GID4: variants seen among roughly 807,000 people sequenced by gnomAD.
The protein encoded by GID4 is GID complex subunit 4 homolog.
In GID4, 7 loss-of-function variants were observed where a neutral mutation model predicts 32.4. The ratio of observed to expected loss-of-function variants is 0.22; its 90% confidence interval spans 0.12 to 0.41. GID4 has a LOEUF of 0.41. Among genes scored for constraint, GID4 ranks in the 10% least tolerant of loss-of-function variants. The pLI, the probability that GID4 is intolerant of heterozygous loss-of-function variation, is 1.00. For missense variants in GID4, 309 were observed against 400.0 expected (o/e 0.77, Z 1.94); for synonymous variants, 166 against 170.0 (o/e 0.98, Z 0.18).
intron 2 of GID4, among the ~76,000 whole-genome samples, chr17:18,049,970 A>G (rs1238986842): frequency 6.6e-6 from 1 of 152,108 alleles, no homozygotes; most frequent in African/African-American, 2.4e-5. Flanking sequence ...CCTACTTATA[A>G]GGGCAGTATT....
At chr17:18,051,690 A>T (rs997367400) in intron 2 of GID4, among the ~76,000 whole-genome samples, 3 of 151,566 alleles carry the variant, frequency 2.0e-5, no homozygotes, top group Admixed American at 6.6e-5. Context: ...AAAAAAAAAT[A>T]GCTTCTAGTT....
intron 2 of GID4, 32 bp from the exon 3 acceptor site, chr17:18,054,095 A>G: frequency 8.1e-7 from 1 of 1,227,556 alleles, no homozygotes; most frequent in Non-Finnish European, 1.2e-6. Context: ...CTCACTCAAC[A>G]TCTTATTTTG....
chr17:18,039,896 G>A lies in GID4; in HGVS notation c.432G>A (p.Val144=), dbSNP rs773720979. The change falls in exon 1 of 6, where the codon GTG becomes GTA. Residue 144 remains valine, a synonymous_variant. Coordinates refer to ENST00000268719, the MANE Select transcript of GID4 (RefSeq NM_024052.5). The surrounding 1 kb of genome is among the most constrained non-coding windows in gnomAD (Gnocchi z 5.3). ...GGAACTCGTACGACGTAGAGGTGGT[G>A]CTGCAGGTGAGCGCCGGGCCGGGCC... is the stretch of plus-strand genomic sequence containing the variant. ...SKGNSYDVEV[V]LQHVDTGNSY... is the part of the protein sequence containing the mutation. 7.0e-7 allele frequency: 1 copy of A among 1,428,032 alleles called. No individual in the cohort carries two copies. The highest frequency in any genetic ancestry group is 1.5e-5 in the South Asian group (1 of 64,830). 88.5% of individuals were successfully genotyped at this position (1,428,032 alleles called of 1,614,324 possible).
chr17:18,047,534 C>G (rs954521973), intron 2 of GID4, among the ~76,000 whole-genome samples: 1 of 152,218 alleles, frequency 6.6e-6, no homozygotes, highest in African/African-American at 2.4e-5. Flanking sequence ...AGGAAGCCCC[C>G]GTGAGTCGAG....
In GID4 at chr17:18,065,982, A is replaced by T. The variant is rs1472276725; in HGVS notation, c.*739A>T. 6.6e-6 allele frequency: 1 copy of T among 152,246 alleles called. No homozygotes were observed. Among genetic ancestry groups the T allele is most frequent in the Non-Finnish European group, 1.5e-5 (1 of 68,042 alleles). The allele number at this position is 152,246 out of a possible 1,614,324, so 9.4% of individuals were successfully genotyped here. On this transcript the variant is annotated 3_prime_UTR_variant, in exon 6 of 6. Coordinates refer to ENST00000268719, the MANE Select transcript of GID4 (RefSeq NM_024052.5). ...CCTGCTTACTCAGTACATTTGCTCCAAACTTTTCAACTTGAGGGCAATACT... is the reference window on the plus strand; with the variant it reads ...CCTGCTTACTCAGTACATTTGCTCCTAACTTTTCAACTTGAGGGCAATACT...
chr17:18,040,299 C>T (rs2044781299), intron 1 of GID4, among the ~76,000 whole-genome samples: 1 of 152,204 alleles, frequency 6.6e-6, no homozygotes, highest in Non-Finnish European at 1.5e-5. Context: ...TTGGTTTCAC[C>T]AGACTTGGGA....
chr17:18,063,835 C>T lies in GID4; in HGVS notation c.840-1345C>T, dbSNP rs578167984. Among the ~76,000 whole-genome samples the T allele has an allele frequency of 2.6e-5, 4 of 152,268 alleles. No homozygotes were observed. In the South Asian group the frequency reaches 8.3e-4, roughly 32 times the overall value. On this transcript the variant is annotated intron_variant, in intron 5 of 5. Transcript: ENST00000268719. ...TCGGCTCACTGCAACCTCCGCCTCC[C>T]AGGTTCAAGCAATTCTCCTGCCTCA...
At chr17:18,056,820 GGAGCT>G in intron 3 of GID4, 1 of 1,550,584 alleles carries the variant, frequency 6.4e-7, no homozygotes, top group Non-Finnish European at 8.7e-7. Flanking sequence ...GTTGAGCCAG[GGAGCT>G]GAACCTATGG....
intron 1 of GID4, among the ~76,000 whole-genome samples, chr17:18,040,652 T>G (rs974357983): frequency 6.6e-6 from 1 of 152,206 alleles, no homozygotes; most frequent in Non-Finnish European, 1.5e-5. Flanking sequence ...CTGCCCCTGC[T>G]CTGGGACCAT....
chr17:18,056,192 A>T (rs1429690756), intron 3 of GID4, among the ~76,000 whole-genome samples: 1 of 152,232 alleles, frequency 6.6e-6, no homozygotes, highest in African/African-American at 2.4e-5. Context: ...AAGGAGATCT[A>T]TCAAATACTG....
intron 3 of GID4, among the ~76,000 whole-genome samples, chr17:18,058,234 A>G (rs1395033642): frequency 3.3e-5 from 5 of 152,250 alleles, no homozygotes; most frequent in Admixed American, 6.5e-5. Context: ...AGCAATCTAG[A>G]GATGCTATAA....
In GID4 at chr17:18,039,822, A is replaced by T. The variant is rs2044770473; in HGVS notation, c.358A>T (p.Ser120Cys). The T allele has an allele frequency of 1.3e-6, 2 of 1,575,330 alleles. No individual in the cohort carries two copies. ...CACCCAGCAGCCCGGCGTGGCCACCAGCCTGCTCTACAGCGGCTCCAAGTT... is the reference window on the plus strand; with the variant it reads ...CACCCAGCAGCCCGGCGTGGCCACCTGCCTGCTCTACAGCGGCTCCAAGTT... ...INTQQPGVAT[S>C]LLYSGSKFRG... is the part of the protein sequence containing the mutation. Residue 120 changes from serine to cysteine, a missense_variant, in exon 1 of 6, where the codon AGC becomes TGC. Ser to Cys is a moderately radical substitution (Grantham distance 112). This residue lies in a region of GID4 where 193 missense variants were observed against 185.8 expected (regional missense o/e 1.04). Coordinates refer to ENST00000268719, the MANE Select transcript of GID4 (RefSeq NM_024052.5). The surrounding 1 kb of genome is among the most constrained non-coding windows in gnomAD (Gnocchi z 5.3).
rs1406580166 is a variant in GID4 at position 18,061,680 on chromosome 17, A to G, written c.709-165A>G. 6.6e-6 allele frequency among the ~76,000 whole-genome samples: 1 copy of G among 152,152 alleles called. No individual in the cohort carries two copies. Among genetic ancestry groups the G allele is most frequent in the East Asian group, 1.9e-4 (1 of 5,196 alleles). On this transcript the variant is annotated intron_variant, in intron 4 of 5. Transcript: ENST00000268719. This position sits in a 1 kb window ranked among gnomAD's most constrained non-coding sequence, Gnocchi z 4.4. ...AGCACATGGACGCTTTTTAGAAGTC[A>G]GGCTGAGACCCCACGGGCCCGCCAT... is the stretch of plus-strand genomic sequence containing the variant.
chr17:18,039,494 G>A lies in GID4; in HGVS notation c.30G>A (p.Gly10=). MCARGQVGR[G]TQLRTGRPCS... ...GTGCGCGAGGGCAAGTCGGGAGGGGGACCCAGCTCAGGACTGGGAGGCCCT... is the reference window on the plus strand; with the variant it reads ...GTGCGCGAGGGCAAGTCGGGAGGGGAACCCAGCTCAGGACTGGGAGGCCCT... The change falls in exon 1 of 6, where the codon GGG becomes GGA. Residue 10 remains glycine, a synonymous_variant. Transcript: ENST00000268719. The surrounding 1 kb of genome is among the most constrained non-coding windows in gnomAD (Gnocchi z 5.3). 7.5e-7 allele frequency: 1 copy of A among 1,335,368 alleles called. No individual in the cohort carries two copies. The highest frequency in any genetic ancestry group is 9.5e-7 in the Non-Finnish European group (1 of 1,047,680). 82.7% of individuals were successfully genotyped at this position (1,335,368 alleles called of 1,614,324 possible).
chr17:18,042,032 A>G (rs1017080457), intron 1 of GID4, among the ~76,000 whole-genome samples: 9 of 152,254 alleles, frequency 5.9e-5, no homozygotes, highest in Non-Finnish European at 1.3e-4. Flanking sequence ...AGTCAGTGGC[A>G]TGTGAATTGC....
intron 2 of GID4, among the ~76,000 whole-genome samples, chr17:18,048,562 A>G (rs925922973): frequency 7.9e-5 from 12 of 152,176 alleles, no homozygotes; most frequent in African/African-American, 2.9e-4. Flanking sequence ...GAAAACTACA[A>G]TGAATCTTTG....
Position 18,039,912 on chromosome 17 carries a change from G to A in GID4, c.438+10G>A, listed in dbSNP as rs767468920. 2 of 1,374,050 alleles carry A rather than the reference G, an allele frequency of 1.5e-6. No homozygotes were observed. Among genetic ancestry groups the A allele is most frequent in the African/African-American group, 3.0e-5 (2 of 67,250 alleles). The allele number at this position is 1,374,050 out of a possible 1,614,324, so 85.1% of individuals were successfully genotyped here. Reference sequence around the variant, plus strand: ...AGAGGTGGTGCTGCAGGTGAGCGCCGGGCCGGGCCGGGGCCCGAGGGCCTC... The same window carrying A: ...AGAGGTGGTGCTGCAGGTGAGCGCCAGGCCGGGCCGGGGCCCGAGGGCCTC... On this transcript the variant is annotated intron_variant, in intron 1 of 5. Coordinates refer to ENST00000268719, the MANE Select transcript of GID4 (RefSeq NM_024052.5). The surrounding 1 kb of genome is among the most constrained non-coding windows in gnomAD (Gnocchi z 5.3).
In GID4 at chr17:18,066,150, T is replaced by TATATCG. The variant is rs1234910785; in HGVS notation, c.*913_*918dup. 1 of 152,576 alleles carries TATATCG rather than the reference T, an allele frequency of 6.6e-6. No homozygotes were observed. Among genetic ancestry groups the TATATCG allele is most frequent in the African/African-American group, 2.4e-5 (1 of 41,470 alleles). 9.5% of individuals were successfully genotyped at this position (152,576 alleles called of 1,614,324 possible). On this transcript the variant is annotated 3_prime_UTR_variant, in exon 6 of 6. Coordinates refer to ENST00000268719, the MANE Select transcript of GID4 (RefSeq NM_024052.5). ...CAGCAAATGTTGACTTAGTAATTTTTATATCGATATCTATATGTATATGTA... is the reference window on the plus strand; with the variant it reads ...CAGCAAATGTTGACTTAGTAATTTTTATATCGATATCGATATCTATATGTATATGTA...
intron 2 of GID4, among the ~76,000 whole-genome samples, chr17:18,053,009 CT>C (rs71155312): frequency 2.4e-5 from 2 of 83,282 alleles, no homozygotes; most frequent in African/African-American, 4.9e-5. Context: ...AAAGTATTTA[CT>C]TTTTTTTTTT....
Sources: gnomAD v4.1 joint callset for allele counts (sites outside exome capture counted in the v4.1 genomes callset) on GRCh38, gnomAD v4.1.1 for gene constraint, gnomAD v4.1.1 regional missense constraint, Gnocchi (gnomAD v3.1) non-coding constraint, MANE v1.5 for transcripts, NCBI Gene and HGNC (gene_info 2026-07-23, HGNC 2026-07-21) for gene names.